The following CNTNAP3 variants were observed in gnomAD, a reference collection of about 807,000 sequenced individuals.
CNTNAP3 encodes the protein contactin-associated protein-like 3.
In CNTNAP3, 36 loss-of-function variants were observed where a neutral mutation model predicts 92.1. The ratio of observed to expected loss-of-function variants is 0.39; its 90% CI spans 0.30 to 0.52. CNTNAP3 has a LOEUF of 0.52. CNTNAP3 is among the 20% of genes least tolerant of loss of function. CNTNAP3 has a pLI of 0.76. For missense variants in CNTNAP3, 534 were observed against 1,069.6 expected (o/e 0.50, Z 6.98); for synonymous variants, 232 against 422.3 (o/e 0.55, Z 5.53).
intron 9 of CNTNAP3, 43 bp from the exon 10 acceptor site, chr9:39,150,020 C>A (rs1173555220): frequency 6.3e-7 from 1 of 1,591,166 alleles, no homozygotes; most frequent in Non-Finnish European, 8.6e-7. Flanking sequence ...ACAACTATGA[C>A]AAAACTATTC....
intron 13 of CNTNAP3, among the ~76,000 whole-genome samples, chr9:39,126,584 G>A (rs2778174): frequency 2.0e-5 from 3 of 152,214 alleles, no homozygotes; most frequent in Admixed American, 6.5e-5. Context: ...TTTTAAAAAT[G>A]AACACCACAA....
At chr9:39,085,354 C>T in intron 21 of CNTNAP3, 1 of 218,728 alleles carries the variant, frequency 4.6e-6, no homozygotes, top group Non-Finnish European at 9.0e-6. Flanking sequence ...TTGTGTTCAA[C>T]TCAAACGTAG....
At chr9:39,088,289 G>A (rs577814295) in intron 19 of CNTNAP3, 134 bp downstream of exon 19, 17 of 848,756 alleles carry the variant, frequency 2.0e-5, no homozygotes, top group African/African-American at 1.4e-4. Context: ...GGCAGGCACT[G>A]AAAAACCAAA....
At chr9:39,107,312 GGGAAGGAA>G (rs772485564) in intron 15 of CNTNAP3, among the ~76,000 whole-genome samples, 27 of 150,530 alleles carry the variant, frequency 1.8e-4, no homozygotes, top group Non-Finnish European at 3.7e-4. Context: ...GGAGGGAGTG[GGGAAGGAA>G]GGAAGGAAGG....
At chr9:39,104,370 T>C (rs1003108154) in intron 15 of CNTNAP3, among the ~76,000 whole-genome samples, 3 of 151,944 alleles carry the variant, frequency 2.0e-5, no homozygotes, top group African/African-American at 2.4e-5. Flanking sequence ...ACATGTTTCA[T>C]TTGAGATATC....
intron 14 of CNTNAP3, among the ~76,000 whole-genome samples, chr9:39,115,998 T>C (rs1394194067): frequency 6.6e-6 from 1 of 152,038 alleles, no homozygotes; most frequent in African/African-American, 2.4e-5. Flanking sequence ...CTACTAAAAA[T>C]ACAAAAATTA....
chr9:39,154,268 G>A (rs139082467), intron 9 of CNTNAP3: 8,947 of 312,788 alleles, frequency 0.029, 320 homozygotes, highest in East Asian at 0.088. Context: ...CAGATGACCT[G>A]CAAATTGGGG....
intron 15 of CNTNAP3, among the ~76,000 whole-genome samples, chr9:39,105,199 G>A (rs1258419463): frequency 3.3e-5 from 5 of 152,086 alleles, no homozygotes; most frequent in East Asian, 1.9e-4. Flanking sequence ...AGGCCAAGGC[G>A]GGCGGATCAT....
At position 39,078,720 on chromosome 9, in the gene CNTNAP3, C is replaced by T. The variant is rs1193447837; in HGVS notation, c.3643G>A (p.Glu1215Lys). 2.6e-6 allele frequency: 4 copies of T among 1,522,642 alleles called. No individual in the cohort carries two copies. Among genetic ancestry groups the T allele is most frequent in the African/African-American group, 1.4e-5 (1 of 71,582 alleles). 94.3% of individuals were successfully genotyped at this position (1,522,642 alleles called of 1,614,324 possible). Residue 1215 changes from glutamate to lysine, a missense_variant, in exon 22 of 24, where the codon GAA (glutamate) becomes AAA (lysine). Coordinates refer to ENST00000297668, the MANE Select transcript of CNTNAP3 (RefSeq NM_033655.5). ...AGAASGSPAR[E>K]LAPRLAGGAG... The stretch of plus-strand genomic sequence containing the variant: ...CCCCCCGCGAGTCGGGGAGCCAGTT[C>T]CCGCGCCGGGGAGCCGGACGCCGCC...
chr9:39,108,376 G>C (rs1409695296), intron 15 of CNTNAP3, among the ~76,000 whole-genome samples: 1 of 152,156 alleles, frequency 6.6e-6, no homozygotes, highest in African/African-American at 2.4e-5. Flanking sequence ...CTTGGTATTA[G>C]GGGATGGAGA....
intron 15 of CNTNAP3, among the ~76,000 whole-genome samples, chr9:39,107,125 A>T (rs1383629250): frequency 6.6e-6 from 1 of 152,100 alleles, no homozygotes; most frequent in Non-Finnish European, 1.5e-5. Flanking sequence ...AAATGTCTGG[A>T]CAGACCTGCC....
In CNTNAP3 at chr9:39,272,097, C is replaced by A. The variant is rs1423708258; in HGVS notation, c.86-5091G>T. Reference sequence around the variant, plus strand: ...AAGTGCTGGGATTACAGGCGTGAGCCACCATGCCCGCTCAAGTTTACATAA... The same window carrying A: ...AAGTGCTGGGATTACAGGCGTGAGCAACCATGCCCGCTCAAGTTTACATAA... On this transcript the variant is annotated intron_variant, in intron 1 of 23. Coordinates refer to ENST00000297668, the MANE Select transcript of CNTNAP3 (RefSeq NM_033655.5). Among the ~76,000 whole-genome samples, 19 of 21,186 alleles carry A rather than the reference C, an allele frequency of 9.0e-4. 9 individuals carry two copies. The highest frequency in any genetic ancestry group is 1.6e-3 in the Non-Finnish European group (15 of 9,534). The allele number at this position is 21,186 out of a possible 152,430, so 13.9% of individuals were successfully genotyped here.
chr9:39,088,146 G>T (rs1201324207), intron 19 of CNTNAP3, among the ~76,000 whole-genome samples: 2 of 151,924 alleles, frequency 1.3e-5, no homozygotes, highest in Non-Finnish European at 2.9e-5. Flanking sequence ...GAGTCATCAT[G>T]TACTATTAAA....
At chr9:39,089,920 T>C (rs1198901484) in intron 18 of CNTNAP3, among the ~76,000 whole-genome samples, 1 of 152,086 alleles carries the variant, frequency 6.6e-6, no homozygotes, top group East Asian at 1.9e-4. Flanking sequence ...CTTTTTCTTA[T>C]TCAGTTGTTG....
In CNTNAP3 at chr9:39,069,442, C is replaced by T. The variant is rs1825589322; in HGVS notation, c.*4448G>A. The stretch of plus-strand genomic sequence containing the variant: ...CTAGCTAAGTTAGAAATTTTCATAT[C>T]GCAAAATCTAAAAGTTCATCTTATG... On this transcript the variant is annotated 3_prime_UTR_variant, in exon 24 of 24. Transcript: ENST00000297668. Among the ~76,000 whole-genome samples the T allele has an allele frequency of 1.3e-5, 2 of 152,304 alleles. No individual in the cohort carries two copies. Among genetic ancestry groups the T allele is most frequent in the Admixed American group, 1.3e-4 (2 of 15,294 alleles).
chr9:39,149,516 ATT>A (rs767987099), intron 10 of CNTNAP3, among the ~76,000 whole-genome samples: 2 of 144,176 alleles, frequency 1.4e-5, no homozygotes, highest in Non-Finnish European at 1.5e-5. Flanking sequence ...CGCCTGGCTA[ATT>A]TTTTTTTTTT....
chr9:39,086,448 C>CTAT, intron 20 of CNTNAP3: 1 of 417,416 alleles, frequency 2.4e-6, no homozygotes. Flanking sequence ...TAAAGTAAAA[C>CTAT]AAATAGATAT....
In CNTNAP3 at chr9:39,069,403, G is replaced by C. The variant is rs1250056657; in HGVS notation, c.*4487C>G. Among the ~76,000 whole-genome samples the C allele has an allele frequency of 3.3e-3, 488 of 149,914 alleles. No homozygotes were observed. The highest frequency in any genetic ancestry group is 0.012 in the African/African-American group (466 of 39,296). On this transcript the variant is annotated 3_prime_UTR_variant, in exon 24 of 24. Coordinates refer to ENST00000297668, the MANE Select transcript of CNTNAP3 (RefSeq NM_033655.5). ...TTTTAAGGGCTTTCTTAAATTTTTAGGTACCATCACAAGCTAGCTAAGTTA... is the reference window on the plus strand; with the variant it reads ...TTTTAAGGGCTTTCTTAAATTTTTACGTACCATCACAAGCTAGCTAAGTTA...
At chr9:39,141,217 G>A (rs1410030234) in intron 11 of CNTNAP3, among the ~76,000 whole-genome samples, 1 of 152,126 alleles carries the variant, frequency 6.6e-6, no homozygotes, top group African/African-American at 2.4e-5. Context: ...TATAATTAAG[G>A]AAGAAACCCT....
Sources: allele counts gnomAD v4.1 joint callset (sites outside exome capture counted in the v4.1 genomes callset), GRCh38; gene constraint gnomAD v4.1.1; transcripts MANE v1.5; gene names NCBI Gene and HGNC (gene_info 2026-07-23, HGNC 2026-07-21).